FHIT: variants seen among roughly 807,000 people sequenced by gnomAD.
FHIT encodes the protein bis(5'-adenosyl)-triphosphatase.
FHIT carries 19 observed loss-of-function variants against 17.9 expected under a neutral mutation model. The observed-to-expected ratio is 1.06, with a 90% CI of 0.74 to 1.56. The LOEUF is 1.56. FHIT is among the 40% of genes most tolerant of loss of function. The pLI is 0.00. For missense variants in FHIT, 248 were observed against 189.2 expected (o/e 1.31, Z -1.82); for synonymous variants, 81 against 69.7 (o/e 1.16, Z -0.81).
At chr3:60,047,834 C>A (rs117356419) in intron 5 of FHIT, among the ~76,000 whole-genome samples, 19 of 152,208 alleles carry the variant, frequency 1.2e-4, no homozygotes, top group Non-Finnish European at 2.6e-4. Context: ...TCAACCCCAT[C>A]TGACTTAGGG....
chr3:60,365,209 T>C lies in FHIT; in HGVS notation c.103+171651A>G, dbSNP rs974958616. Among the ~76,000 whole-genome samples the C allele has an allele frequency of 2.0e-5, 3 of 150,718 alleles. No homozygotes were observed. The South Asian group carries it at 6.3e-4, about 32-fold the overall frequency. ...TACTAAGACCACTAAAATTGGGATC[T>C]TTCTGGAAAATCAAAATTCAACATA... is the stretch of plus-strand genomic sequence containing the variant. On this transcript the variant is annotated intron_variant, in intron 5 of 9. Transcript: ENST00000492590.
chr3:61,007,834 C>CCAGA (rs530186595), intron 3 of FHIT, among the ~76,000 whole-genome samples: 41 of 152,210 alleles, frequency 2.7e-4, no homozygotes, highest in African/African-American at 9.9e-4. Flanking sequence ...AGAGCAACAC[C>CCAGA]CAGAGGTTCT....
At chr3:59,768,966 G>C (rs1701940218) in intron 8 of FHIT, among the ~76,000 whole-genome samples, 1 of 152,164 alleles carries the variant, frequency 6.6e-6, no homozygotes, top group Non-Finnish European at 1.5e-5. Context: ...AATCAGGGTA[G>C]ACAGCCTAAC....
At chr3:60,066,009 A>G (rs865844790) in intron 5 of FHIT, among the ~76,000 whole-genome samples, 1 of 152,150 alleles carries the variant, frequency 6.6e-6, no homozygotes, top group African/African-American at 2.4e-5. Flanking sequence ...TCTTGTTACC[A>G]AAGAAAATAC....
intron 3 of FHIT, among the ~76,000 whole-genome samples, chr3:61,012,483 C>T (rs1376503235): frequency 1.3e-5 from 2 of 151,948 alleles, no homozygotes; most frequent in African/African-American, 2.4e-5. Flanking sequence ...CATAAAAATA[C>T]CTCCAATCTC....
intron 2 of FHIT, among the ~76,000 whole-genome samples, chr3:61,190,349 A>G (rs1238881335): frequency 6.6e-6 from 1 of 152,258 alleles, no homozygotes; most frequent in African/African-American, 2.4e-5. Context: ...ATCACTGGCC[A>G]TCAGAGACAT....
At chr3:59,752,156 G>T in intron 9 of FHIT, 65 bp downstream of exon 9, 1 of 1,154,746 alleles carries the variant, frequency 8.7e-7, no homozygotes, top group South Asian at 1.3e-5. Context: ...TCCCCATTCT[G>T]AGAGTGCAGC....
intron 5 of FHIT, among the ~76,000 whole-genome samples, chr3:60,118,782 G>A (rs1240540610): frequency 3.2e-4 from 44 of 136,448 alleles, no homozygotes; most frequent in African/African-American, 4.2e-4. Flanking sequence ...GGCGGGGGGG[G>A]GGGGGTGGTG....
chr3:60,441,747 T>A (rs1305326239), intron 5 of FHIT, among the ~76,000 whole-genome samples: 11 of 31,148 alleles, frequency 3.5e-4, no homozygotes, highest in Admixed American at 1.1e-3. Flanking sequence ...TATATATTTA[T>A]ATATATAAAA....
At chr3:61,212,805 C>T (rs938374538) in intron 1 of FHIT, among the ~76,000 whole-genome samples, 3 of 152,182 alleles carry the variant, frequency 2.0e-5, no homozygotes, top group Admixed American at 6.5e-5. Flanking sequence ...GCGGATATCT[C>T]GGCAGAAATT....
intron 7 of FHIT, among the ~76,000 whole-genome samples, chr3:59,957,636 A>G (rs1393351122): frequency 6.6e-6 from 1 of 152,238 alleles, no homozygotes; most frequent in East Asian, 1.9e-4. Context: ...AATCTAACCA[A>G]TGCACATTGA....
intron 5 of FHIT, among the ~76,000 whole-genome samples, chr3:60,166,937 C>T (rs1490111685): frequency 2.0e-5 from 3 of 152,110 alleles, no homozygotes; most frequent in Admixed American, 6.6e-5. Flanking sequence ...TGACCTTATC[C>T]ATGTGGCTGA....
intron 4 of FHIT, among the ~76,000 whole-genome samples, chr3:60,626,000 T>C (rs1157300177): frequency 6.6e-6 from 1 of 152,246 alleles, no homozygotes; most frequent in African/African-American, 2.4e-5. Flanking sequence ...AAAAGGTTTT[T>C]ACCATGAATT....
At chr3:60,684,382 G>A (rs965287956) in intron 4 of FHIT, among the ~76,000 whole-genome samples, 3 of 152,068 alleles carry the variant, frequency 2.0e-5, no homozygotes, top group South Asian at 2.1e-4. Context: ...ATGTGGATAC[G>A]TTTGCAGAGC....
chr3:60,489,497 T>G (rs1447973), intron 5 of FHIT, among the ~76,000 whole-genome samples: 14,652 of 152,128 alleles, frequency 0.096, 1,123 homozygotes, highest in East Asian at 0.39. Context: ...GAATCTAGCT[T>G]ACAACTGTTT....
intron 3 of FHIT, among the ~76,000 whole-genome samples, chr3:60,871,339 C>T (rs1430497214): frequency 3.3e-5 from 5 of 152,130 alleles, no homozygotes; most frequent in African/African-American, 1.2e-4. Context: ...GAAAAGTCTC[C>T]GAGAACTCCT....
chr3:60,841,694 G>T (rs782642305), intron 3 of FHIT, among the ~76,000 whole-genome samples: 2 of 152,152 alleles, frequency 1.3e-5, no homozygotes, highest in Non-Finnish European at 2.9e-5. Context: ...GCAAATGAAG[G>T]ATTTAAAATT....
intron 5 of FHIT, among the ~76,000 whole-genome samples, chr3:60,401,208 A>C (rs2687151): frequency 0.97 from 147,280 of 152,268 alleles, 71,429 homozygotes; most frequent in East Asian, 1. Flanking sequence ...TTCCTTAGTT[A>C]TGTACTTTGA....
In FHIT at chr3:59,830,583, C is replaced by G. The variant is rs541320751; in HGVS notation, c.349-78262G>C. 5.8e-4 allele frequency among the ~76,000 whole-genome samples: 88 copies of G among 152,304 alleles called. 2 individuals are homozygous for G. The South Asian group carries it at 7.3e-3, about 13-fold the overall frequency. On this transcript the variant is annotated intron_variant, in intron 8 of 9. Transcript: ENST00000492590. ...CAGTGTGCAGTTTTCCCCAACAGGC[C>G]TAACATTAATCATTATAGGAAAAAC...
Sources: gnomAD v4.1 joint callset for allele counts (sites outside exome capture counted in the v4.1 genomes callset) on GRCh38, gnomAD v4.1.1 for gene constraint, MANE v1.5 for transcripts, NCBI Gene and HGNC (gene_info 2026-07-23, HGNC 2026-07-21) for gene names.